Variants in HGS observed in about 807,000 individuals in gnomAD.
HGS encodes hepatocyte growth factor-regulated tyrosine kinase substrate.
A neutral mutation model predicts 109.7 loss-of-function variants in HGS; 63 were observed. The ratio of observed to expected loss-of-function variants is 0.57; its 90% CI spans 0.47 to 0.71. The LOEUF (loss-of-function observed/expected upper bound fraction) is 0.71. Among genes scored for constraint, HGS ranks in the 30% least tolerant of loss-of-function variants. The pLI is 0.00. For synonymous variants in HGS, 546 were observed against 437.3 expected (o/e 1.25, Z -3.10); for missense variants, 995 against 1,068.3 (o/e 0.93, Z 0.96).
At chr17:81,695,115 G>T in intron 13 of HGS, 48 bp downstream of exon 13, 1 of 1,613,266 alleles carries the variant, frequency 6.2e-7, no homozygotes, top group South Asian at 1.1e-5. Context: ...CCCTTGGAAG[G>T]GGTGGATGCG....
intron 18 of HGS, among the ~76,000 whole-genome samples, chr17:81,699,699 C>T (rs932462652): frequency 1.3e-5 from 2 of 151,844 alleles, no homozygotes; most frequent in Admixed American, 6.6e-5. Context: ...GCTGGGATTA[C>T]AAGCATGAGC....
chr17:81,701,575 C>T lies in HGS; in HGVS notation c.2291C>T (p.Pro764Leu), dbSNP rs111819129. ...PVAQQPQAQG[P>L]PAQGSEAQLI... ...GCCCAGCAACCGCAGGCACAGGGGCCGCCGGCACAGGGCAGCGAGGCCCAG... is the reference window on the plus strand; with the variant it reads ...GCCCAGCAACCGCAGGCACAGGGGCTGCCGGCACAGGGCAGCGAGGCCCAG... Residue 764 changes from proline (P) to leucine (L), a missense_variant, in exon 22 of 22, where the codon CCG becomes CTG. Physicochemically the swap from Pro to Leu is moderately conservative, Grantham distance 98. Around this residue, in one of 6 missense-constraint regions of HGS, gnomAD observed 326 missense variants for 309.7 expected, o/e 1.05. Coordinates refer to ENST00000329138, the MANE Select transcript of HGS (RefSeq NM_004712.5). 4.3e-5 allele frequency: 68 copies of T among 1,571,506 alleles called. No individual in the cohort carries two copies. Among genetic ancestry groups the T allele is most frequent in the African/African-American group, 3.0e-4 (22 of 74,198 alleles).
intron 20 of HGS, 93 bp from the exon 21 acceptor site, chr17:81,700,952 C>T: frequency 2.6e-6 from 4 of 1,527,254 alleles, no homozygotes; most frequent in South Asian, 2.3e-5. Context: ...TGGGTGCTCC[C>T]TGTGGTCACC....
At chr17:81,701,308 T>A (rs2037233936) in intron 21 of HGS, 177 bp downstream of exon 21, 1 of 787,818 alleles carries the variant, frequency 1.3e-6, no homozygotes, top group Non-Finnish European at 2.0e-6. Flanking sequence ...TCAGGGCAGA[T>A]ACGCGCATCC....
intron 6 of HGS, 29 bp downstream of exon 6, chr17:81,690,263 G>A: frequency 6.2e-7 from 1 of 1,612,212 alleles, no homozygotes; most frequent in Non-Finnish European, 8.5e-7. Flanking sequence ...CAGGGGTTCT[G>A]GAGTCGGGCT....
At chr17:81,699,768 A>G (rs1306015464) in intron 18 of HGS, among the ~76,000 whole-genome samples, 7 of 152,146 alleles carry the variant, frequency 4.6e-5, no homozygotes, top group Non-Finnish European at 7.4e-5. Flanking sequence ...CTTGGTTCCA[A>G]AAGTCACAAC....
intron 15 of HGS, 146 bp downstream of exon 15, chr17:81,696,145 G>T: frequency 3.3e-6 from 3 of 908,538 alleles, no homozygotes; most frequent in Non-Finnish European, 3.2e-6. Context: ...TCAACAGGAG[G>T]TGGTCTCAGT....
intron 18 of HGS, chr17:81,697,255 C>T: frequency 2.4e-6 from 1 of 408,848 alleles, no homozygotes; most frequent in Non-Finnish European, 4.4e-6. Context: ...CCAGCAGGTG[C>T]TGGGCTGCCG....
rs1043226242 is a variant in HGS at position 81,691,852 on chromosome 17, A to C, written c.662+281A>C. On this transcript the variant is annotated intron_variant, in intron 8 of 21. Transcript: ENST00000329138. The surrounding 1 kb of genome is among the most constrained non-coding windows in gnomAD (Gnocchi z 5.3). ...TGGGTTTGGGTTTGTTTGCATTTCA[A>C]CTTTCGGAATAAAACTTACAGAAAA... The C allele has an allele frequency of 5.3e-5, 18 of 340,808 alleles. No individual in the cohort carries two copies. Among genetic ancestry groups the C allele is most frequent in the Non-Finnish European group, 9.4e-5 (17 of 181,430 alleles). 21.1% of individuals were successfully genotyped at this position (340,808 alleles called of 1,614,324 possible). A position where few individuals can be genotyped will look rare whatever the true frequency, so the allele number is the denominator to read the frequency against.
At chr17:81,694,681 C>T (rs1234988648) in intron 11 of HGS, 134 bp from the exon 12 acceptor site, 6 of 993,904 alleles carry the variant, frequency 6.0e-6, no homozygotes, top group Non-Finnish European at 9.5e-6. Flanking sequence ...ATGCCAGGAA[C>T]CAGAGGAGGG....
intron 5 of HGS, 60 bp downstream of exon 5, chr17:81,688,887 C>T (rs2037022994): frequency 1.2e-6 from 2 of 1,606,144 alleles, no homozygotes; most frequent in East Asian, 2.2e-5. Context: ...CAGTCAGGCT[C>T]AACGGGCACA....
chr17:81,691,754 C>G lies in HGS; in HGVS notation c.662+183C>G. On this transcript the variant is annotated intron_variant, in intron 8 of 21. Coordinates refer to ENST00000329138, the MANE Select transcript of HGS (RefSeq NM_004712.5). The surrounding 1 kb of genome is among the most constrained non-coding windows in gnomAD (Gnocchi z 5.3). ...CCTCGGACCCTGCCCCACACTAGGGCAGGTGGGTGTGAGAGACAGGGCGCC... is the reference window on the plus strand; with the variant it reads ...CCTCGGACCCTGCCCCACACTAGGGGAGGTGGGTGTGAGAGACAGGGCGCC... 3.0e-6 allele frequency: 2 copies of G among 675,064 alleles called. No individual in the cohort carries two copies. The highest frequency in any genetic ancestry group is 4.9e-6 in the Non-Finnish European group (2 of 409,836). 41.8% of individuals were successfully genotyped at this position (675,064 alleles called of 1,614,324 possible).
In HGS at chr17:81,691,904, C is replaced by T. The variant is rs533610271; in HGVS notation, c.662+333C>T. On this transcript the variant is annotated intron_variant, in intron 8 of 21. Coordinates refer to ENST00000329138, the MANE Select transcript of HGS (RefSeq NM_004712.5). This position sits in a 1 kb window ranked among gnomAD's most constrained non-coding sequence, Gnocchi z 5.3. ...TTGCAAGAGTAGCACAGAGAAGCTG[C>T]GGGGCCGCGGCCAGTGCCTCAGCGG... The T allele has an allele frequency of 9.4e-6, 2 of 213,556 alleles. No homozygotes were observed. Among genetic ancestry groups the T allele is most frequent in the South Asian group, 9.3e-5 (1 of 10,744 alleles). 13.2% of individuals were successfully genotyped at this position (213,556 alleles called of 1,614,324 possible).
chr17:81,694,721 G>A (rs1161522405), intron 11 of HGS, 94 bp from the exon 12 acceptor site: 15 of 1,499,386 alleles, frequency 1.0e-5, no homozygotes, highest in African/African-American at 4.1e-5. Flanking sequence ...CTGCGGCTCT[G>A]GTCTCCAGGA....
rs370918762 is a variant in HGS at position 81,690,315 on chromosome 17, T to C, written c.468+81T>C. ...GGGGAGTGCTGGGAGCCCGGCTTGTTTGAGGGTTGGTGGCTGAGCTCTCGT... is the reference window on the plus strand; with the variant it reads ...GGGGAGTGCTGGGAGCCCGGCTTGTCTGAGGGTTGGTGGCTGAGCTCTCGT... On this transcript the variant is annotated intron_variant, in intron 6 of 21. Coordinates refer to ENST00000329138, the MANE Select transcript of HGS (RefSeq NM_004712.5). The C allele has an allele frequency of 4.2e-6, 6 of 1,440,696 alleles. No individual in the cohort carries two copies. The African/African-American group carries it at 4.2e-5, about 10-fold the overall frequency. 89.2% of individuals were successfully genotyped at this position (1,440,696 alleles called of 1,614,324 possible).
In HGS at chr17:81,688,784, G is replaced by A. The variant is rs2037021648; in HGVS notation, c.372G>A (p.Lys124=). 1 of 1,614,214 alleles carries A rather than the reference G, an allele frequency of 6.2e-7. No individual in the cohort carries two copies. Among genetic ancestry groups the A allele is most frequent in the East Asian group, 2.2e-5 (1 of 44,886 alleles). The part of the protein sequence containing the change: ...AWAHAFRNEP[K]YKVVQDTYQI... ...CGCATGCCTTCCGGAACGAGCCCAA[G>A]TACAAGGTGGTCCAGGACACCTACC... The change falls in exon 5 of 22, where the codon AAG becomes AAA. Residue 124 remains lysine (K), a synonymous_variant. Coordinates refer to ENST00000329138, the MANE Select transcript of HGS (RefSeq NM_004712.5).
intron 2 of HGS, 46 bp downstream of exon 2, chr17:81,685,735 A>G (rs1024761711): frequency 1.3e-6 from 2 of 1,515,234 alleles, no homozygotes; most frequent in Non-Finnish European, 9.1e-7. Flanking sequence ...GCAGCCGTGC[A>G]CTAAGCTGGG....
rs371152039 is a variant in HGS, at chr17:81,691,581, C to A, written c.662+10C>A. ...ACGAGCAGCTGAACAGGTGAGTCCC[C>A]GCCCCCCATTTGGGCTGCAGGTGGG... On this transcript the variant is annotated intron_variant, in intron 8 of 21. Coordinates refer to ENST00000329138, the MANE Select transcript of HGS (RefSeq NM_004712.5). This position sits in a 1 kb window ranked among gnomAD's most constrained non-coding sequence, Gnocchi z 5.3. The A allele has an allele frequency of 6.2e-7, 1 of 1,613,706 alleles. No homozygotes were observed. The highest frequency in any genetic ancestry group is 1.1e-5 in the South Asian group (1 of 91,074).
chr17:81,700,367 CAAAAAA>C (rs367982845), intron 18 of HGS, 94 bp from the exon 19 acceptor site: 21 of 959,736 alleles, frequency 2.2e-5, no homozygotes, highest in Admixed American at 3.9e-5. Flanking sequence ...GACTCCATCT[CAAAAAA>C]AAAAAAAAAA....
Sources: gnomAD v4.1 joint callset for allele counts (sites outside exome capture counted in the v4.1 genomes callset) on GRCh38, gnomAD v4.1.1 for gene constraint, gnomAD v4.1.1 regional missense constraint, Gnocchi (gnomAD v3.1) non-coding constraint, MANE v1.5 for transcripts, NCBI Gene and HGNC (gene_info 2026-07-23, HGNC 2026-07-21) for gene names.